SPATA22: variants seen among roughly 807,000 people sequenced by gnomAD.
SPATA22 encodes the protein spermatogenesis associated 22, also known as spermatogenesis-associated protein 22.
In SPATA22, 29 loss-of-function variants were observed where a neutral mutation model predicts 47.8. The observed-to-expected ratio is 0.61, with a 90% confidence interval of 0.45 to 0.83. The LOEUF is 0.83. Among genes scored for constraint, SPATA22 ranks in the 40% least tolerant of loss-of-function variants. The pLI, the probability that SPATA22 is intolerant of heterozygous loss-of-function variation, is 0.00. For synonymous variants in SPATA22, 133 were observed against 140.9 expected (o/e 0.94, Z 0.40); for missense variants, 410 against 421.7 (o/e 0.97, Z 0.24).
At chr17:3,453,514 C>T (rs1340937861) in intron 5 of SPATA22, among the ~76,000 whole-genome samples, 2 of 152,094 alleles carry the variant, frequency 1.3e-5, no homozygotes, top group African/African-American at 4.8e-5. Context: ...CAATAAAGGT[C>T]ATTTGCAAAA....
chr17:3,506,735 T>C lies in SPATA22; in HGVS notation c.-74+6677A>G, dbSNP rs188969124. Among the ~76,000 whole-genome samples the C allele has an allele frequency of 6.3e-3, 952 of 151,728 alleles. 6 individuals carry two copies. The highest frequency in any genetic ancestry group is 7.6e-3 in the Non-Finnish European group (513 of 67,872). On this transcript the variant is annotated intron_variant, in intron 1 of 8. Coordinates refer to the SPATA22 transcript ENST00000541913. ...CAGGTGGATCACCTGAGGTCAGGAG[T>C]TTGAGACCAGCCTGGCCAACATGGT...
At chr17:3,454,903 T>C (rs1244446648) in intron 5 of SPATA22, among the ~76,000 whole-genome samples, 2 of 152,114 alleles carry the variant, frequency 1.3e-5, no homozygotes, top group Non-Finnish European at 2.9e-5. Context: ...TGAACTAGTT[T>C]ACAGTCCCAC....
At chr17:3,509,647 G>C in intron 1 of SPATA22, among the ~76,000 whole-genome samples, 1 of 152,166 alleles carries the variant, frequency 6.6e-6, no homozygotes, top group East Asian at 1.9e-4. Context: ...TGTCTTTATA[G>C]TAGAATGATT....
At chr17:3,482,611 C>T (rs1274169751) in intron 1 of SPATA22, among the ~76,000 whole-genome samples, 1 of 152,134 alleles carries the variant, frequency 6.6e-6, no homozygotes, top group African/African-American at 2.4e-5. Flanking sequence ...ACAAACAACA[C>T]TTACCCATAA....
intron 1 of SPATA22, among the ~76,000 whole-genome samples, chr17:3,480,079 T>G (rs2073601061): frequency 6.6e-6 from 1 of 152,078 alleles, no homozygotes; most frequent in Non-Finnish European, 1.5e-5. Context: ...GGACCTCTAG[T>G]GGTTCCTGGA....
At chr17:3,487,345 A>AAAG in intron 1 of SPATA22, among the ~76,000 whole-genome samples, 1 of 152,340 alleles carries the variant, frequency 6.6e-6, no homozygotes, top group South Asian at 2.1e-4. Context: ...ATAAAACAGC[A>AAAG]AAGTTGGAAG....
At chr17:3,503,586 A>G (rs2074014792) in intron 1 of SPATA22, among the ~76,000 whole-genome samples, 1 of 152,206 alleles carries the variant, frequency 6.6e-6, no homozygotes, top group African/African-American at 2.4e-5. Context: ...TGTAAAATTT[A>G]CAGTGTACAA....
At chr17:3,467,312 G>A in intron 3 of SPATA22, 114 bp downstream of exon 3, 1 of 869,382 alleles carries the variant, frequency 1.2e-6, no homozygotes, top group Non-Finnish European at 1.7e-6. Flanking sequence ...TCTATATGTG[G>A]ATAATGGAAA....
At chr17:3,443,362 A>C (rs1307618162) in intron 7 of SPATA22, 91 bp from the exon 8 acceptor site, 2 of 821,934 alleles carry the variant, frequency 2.4e-6, no homozygotes, top group Non-Finnish European at 3.9e-6. Context: ...ATAACTATCC[A>C]TATCAACCTC....
intron 8 of SPATA22, chr17:3,441,183 T>G (rs1470640843): frequency 6.6e-6 from 1 of 152,048 alleles, no homozygotes; most frequent in Non-Finnish European, 1.5e-5. Flanking sequence ...AAGGATTATA[T>G]GAAAATGAAA....
chr17:3,487,825 G>T (rs2073754348), intron 1 of SPATA22, among the ~76,000 whole-genome samples: 2 of 152,164 alleles, frequency 1.3e-5, no homozygotes, highest in South Asian at 4.1e-4. Flanking sequence ...AGAAACAGGA[G>T]GAAAGTGAAA....
chr17:3,513,099 T>G (rs985090034), intron 1 of SPATA22: 1 of 152,592 alleles, frequency 6.6e-6, no homozygotes, highest in Non-Finnish European at 1.5e-5. Context: ...AAAAGCTTTT[T>G]GTCTTGCTCT....
At chr17:3,472,357 C>CCG (rs1343046839), upstream of SPATA22, 1 of 152,412 alleles carries the variant, frequency 6.6e-6, no homozygotes, top group East Asian at 1.9e-4. Flanking sequence ...CGCCCGTGAG[C>CCG]CGCAGAGACG....
At position 3,464,911 on chromosome 17, in the gene SPATA22, C is replaced by T. The variant is rs1305274342; in HGVS notation, c.173-2144G>A. ...GGTGGGGGGGGGTCAGCCCCCCACC[C>T]GGCCAGCCGCCCGGTCTGGGAGGTG... On this transcript the variant is annotated intron_variant, in intron 3 of 8. Transcript: ENST00000572969. Among the ~76,000 whole-genome samples the T allele has an allele frequency of 5.8e-5, 6 of 103,454 alleles. 1 individual carries two copies. The highest frequency in any genetic ancestry group is 8.6e-5 in the African/African-American group (3 of 35,004). The allele number at this position is 103,454 out of a possible 152,430, so 67.9% of individuals were successfully genotyped here.
intron 8 of SPATA22, among the ~76,000 whole-genome samples, chr17:3,442,052 T>C (rs1397398937): frequency 6.6e-6 from 1 of 151,972 alleles, no homozygotes; most frequent in Non-Finnish European, 1.5e-5. Flanking sequence ...GATGACAATG[T>C]TCTGTTTCTT....
At chr17:3,442,735 C>T (rs1209458525) in intron 8 of SPATA22, among the ~76,000 whole-genome samples, 3 of 151,956 alleles carry the variant, frequency 2.0e-5, no homozygotes, top group Admixed American at 1.3e-4. Context: ...TTCTTTCCCT[C>T]CCCAACACAT....
chr17:3,490,075 T>C lies in SPATA22; in HGVS notation c.-73-20677A>G, dbSNP rs1222946357. Among the ~76,000 whole-genome samples the C allele has an allele frequency of 6.6e-6, 1 of 152,124 alleles. No homozygotes were observed. The highest frequency in any genetic ancestry group is 1.9e-4 in the East Asian group (1 of 5,200). On this transcript the variant is annotated intron_variant, in intron 1 of 8. Coordinates refer to the SPATA22 transcript ENST00000541913. The surrounding 1 kb of genome is among the most constrained non-coding windows in gnomAD (Gnocchi z 4.6). ...ACACCAATTGGCTTTAAAATAACAA[T>C]AATAATCATCACCTTCTAGGATACA...
chr17:3,450,479 A>T (rs961803432), intron 5 of SPATA22, among the ~76,000 whole-genome samples: 7 of 152,108 alleles, frequency 4.6e-5, no homozygotes, highest in African/African-American at 9.7e-5. Flanking sequence ...CTTTATAGAA[A>T]TTTTTTCCTA....
chr17:3,498,894 C>G (rs2073953772), intron 1 of SPATA22: 1 of 1,575,064 alleles, frequency 6.3e-7, no homozygotes, highest in South Asian at 1.2e-5. Flanking sequence ...CTGAGAGGAT[C>G]AAGACTGGAA....
Sources: gnomAD v4.1 joint callset for allele counts (sites outside exome capture counted in the v4.1 genomes callset) on GRCh38, gnomAD v4.1.1 for gene constraint, Gnocchi (gnomAD v3.1) non-coding constraint, MANE v1.5 for transcripts, NCBI Gene and HGNC (gene_info 2026-07-23, HGNC 2026-07-21) for gene names.